The following LAMC1 variants were observed in gnomAD, a reference collection of about 807,000 sequenced individuals.
The protein encoded by LAMC1 is laminin subunit gamma-1.
LAMC1 carries 38 observed loss-of-function variants against 173.6 expected under a neutral mutation model. The observed-to-expected ratio is 0.22, with a 90% CI of 0.17 to 0.29. The LOEUF (loss-of-function observed/expected upper bound fraction) is 0.29. Ranked by LOEUF, LAMC1 falls within the 10% of genes least tolerant of loss-of-function variation. The pLI is 1.00. For missense variants in LAMC1, 1,824 were observed against 2,051.8 expected (o/e 0.89, Z 2.14); for synonymous variants, 746 against 749.1 (o/e 1.00, Z 0.07).
Position 183,135,113 on chromosome 1 carries a change from G to T in LAMC1, c.4071G>T (p.Arg1357=), listed in dbSNP as rs1318511442. 9 of 1,613,888 alleles carry T rather than the reference G, an allele frequency of 5.6e-6. No homozygotes were observed. Among genetic ancestry groups the T allele is most frequent in the Non-Finnish European group, 7.6e-6 (9 of 1,179,904 alleles). The change falls in exon 24 of 28, where the codon CGG becomes CGT. Residue 1357 remains arginine, a synonymous_variant. Transcript: ENST00000258341. ...ALAEEAAKKG[R]DTLQEANDIL... is the part of the protein sequence containing the mutation. ...CTGAAGAAGCTGCAAAGAAGGGACG[G>T]GATACCTTACAAGAAGCTAATGACA...
intron 27 of LAMC1, 42 bp downstream of exon 27, chr1:183,140,545 T>C (rs1657086236): frequency 3.0e-6 from 4 of 1,331,304 alleles, no homozygotes; most frequent in East Asian, 2.3e-5. Context: ...TCTGAATCTT[T>C]TGTACTGTTC....
chr1:183,086,689 AC>A (rs1655437749), intron 1 of LAMC1, among the ~76,000 whole-genome samples: 1 of 152,246 alleles, frequency 6.6e-6, no homozygotes, highest in African/African-American at 2.4e-5. Flanking sequence ...AATTATTTTA[AC>A]ACAAACTTAC....
intron 1 of LAMC1, among the ~76,000 whole-genome samples, chr1:183,100,181 A>G (rs1273050218): frequency 6.6e-6 from 1 of 151,932 alleles, no homozygotes; most frequent in Non-Finnish European, 1.5e-5. Flanking sequence ...AGGTCCATTC[A>G]TTTCTCTCCA....
chr1:183,050,544 A>G (rs1654394840), intron 1 of LAMC1, among the ~76,000 whole-genome samples: 1 of 142,536 alleles, frequency 7.0e-6, no homozygotes, highest in Non-Finnish European at 1.5e-5. Flanking sequence ...GGCCTCCCAA[A>G]GTGCTGGGAT....
chr1:183,033,799 C>G (rs1223589781), intron 1 of LAMC1, among the ~76,000 whole-genome samples: 2 of 152,092 alleles, frequency 1.3e-5, no homozygotes, highest in Non-Finnish European at 2.9e-5. Context: ...TCAAGCGATT[C>G]TCCTGTCTCA....
At chr1:183,085,083 G>C (rs1461073946) in intron 1 of LAMC1, among the ~76,000 whole-genome samples, 2 of 152,054 alleles carry the variant, frequency 1.3e-5, no homozygotes, top group Non-Finnish European at 2.9e-5. Context: ...CGGGTGTGGT[G>C]GTGTGTGCCT....
intron 1 of LAMC1, among the ~76,000 whole-genome samples, chr1:183,064,980 A>G (rs1654841559): frequency 6.6e-6 from 1 of 152,148 alleles, no homozygotes. Context: ...CCTAAAGTGC[A>G]CATATTTGGG....
At chr1:183,112,692 A>T (rs940420592) in intron 4 of LAMC1, among the ~76,000 whole-genome samples, 9 of 152,138 alleles carry the variant, frequency 5.9e-5, no homozygotes, top group African/African-American at 2.2e-4. Flanking sequence ...TCAGATCTTC[A>T]GGTGGGTTGG....
intron 25 of LAMC1, among the ~76,000 whole-genome samples, chr1:183,136,797 C>T (rs1656957222): frequency 1.3e-5 from 2 of 151,710 alleles, no homozygotes; most frequent in Admixed American, 1.3e-4. Context: ...GGGTGCTTTA[C>T]TCTAAAATTT....
intron 1 of LAMC1, among the ~76,000 whole-genome samples, chr1:183,082,323 G>A (rs371569516): frequency 6.6e-6 from 1 of 152,216 alleles, no homozygotes; most frequent in African/African-American, 2.4e-5. Flanking sequence ...AGAAGAAACT[G>A]CCAAACTGTC....
chr1:183,078,917 C>T (rs763996632), intron 1 of LAMC1, among the ~76,000 whole-genome samples: 1 of 152,024 alleles, frequency 6.6e-6, no homozygotes, highest in Non-Finnish European at 1.5e-5. Context: ...ATCGCTTGAA[C>T]CCAGGAGGCA....
chr1:183,133,267 G>T, intron 21 of LAMC1, 139 bp from the exon 22 acceptor site: 1 of 724,542 alleles, frequency 1.4e-6, no homozygotes. Context: ...CAAAATGTTG[G>T]TATTAAAATG....
intron 1 of LAMC1, among the ~76,000 whole-genome samples, chr1:183,057,432 T>C (rs1468735338): frequency 6.6e-6 from 1 of 152,206 alleles, no homozygotes; most frequent in Admixed American, 6.5e-5. Flanking sequence ...GAAAACTTCC[T>C]GACTATCCCA....
intron 1 of LAMC1, among the ~76,000 whole-genome samples, chr1:183,035,861 T>C (rs1050781659): frequency 6.6e-6 from 1 of 152,230 alleles, no homozygotes; most frequent in Non-Finnish European, 1.5e-5. Flanking sequence ...CCCCTGTGAT[T>C]GTTACTGCTT....
chr1:183,130,179 A>C (rs1369146441), intron 18 of LAMC1, among the ~76,000 whole-genome samples, 165 bp from the exon 19 acceptor site: 2 of 152,132 alleles, frequency 1.3e-5, no homozygotes, highest in South Asian at 4.1e-4. Context: ...TGAAGGACCT[A>C]CTGGGTGTGG....
chr1:183,068,396 A>G (rs1422180762), intron 1 of LAMC1, among the ~76,000 whole-genome samples: 1 of 152,168 alleles, frequency 6.6e-6, no homozygotes, highest in Non-Finnish European at 1.5e-5. Flanking sequence ...GCAAATTACT[A>G]ATTATTTAGG....
intron 11 of LAMC1, among the ~76,000 whole-genome samples, chr1:183,118,417 G>C (rs1656380856): frequency 6.6e-6 from 1 of 152,036 alleles, no homozygotes; most frequent in Non-Finnish European, 1.5e-5. Context: ...TATATAAATA[G>C]ATTTTCTAAA....
intron 1 of LAMC1, among the ~76,000 whole-genome samples, chr1:183,066,393 G>GTGGTAA (rs1654873424): frequency 1.3e-5 from 2 of 152,216 alleles, no homozygotes; most frequent in African/African-American, 4.8e-5. Context: ...GGAAGACAGT[G>GTGGTAA]TGGTGATTCC....
chr1:183,050,281 CTTTTTTTTT>C (rs892649686), intron 1 of LAMC1, among the ~76,000 whole-genome samples: 163 of 115,520 alleles, frequency 1.4e-3, no homozygotes, highest in African/African-American at 5.5e-3. Context: ...TTCTCAGATT[CTTTTTTTTT>C]TTTTTTTTTT....
Sources: gnomAD v4.1 joint callset for allele counts (sites outside exome capture counted in the v4.1 genomes callset) on GRCh38, gnomAD v4.1.1 for gene constraint, MANE v1.5 for transcripts, NCBI Gene and HGNC (gene_info 2026-07-23, HGNC 2026-07-21) for gene names.